The following C21orf91 variants were observed in gnomAD, a reference collection of about 807,000 sequenced individuals.
The protein encoded by C21orf91 is protein EURL homolog.
C21orf91 carries 26 observed loss-of-function variants against 32.9 expected under a neutral mutation model. The ratio of observed to expected loss-of-function variants is 0.79; its 90% confidence interval spans 0.58 to 1.10. The LOEUF is 1.10. C21orf91 is among the 50% of genes least tolerant of loss of function. C21orf91 has a pLI of 0.00. For missense variants in C21orf91, 310 were observed against 341.3 expected (o/e 0.91, Z 0.72); for synonymous variants, 126 against 120.4 (o/e 1.05, Z -0.31).
At chr21:17,811,761 G>C (rs1323222825) in intron 2 of C21orf91, among the ~76,000 whole-genome samples, 1 of 152,098 alleles carries the variant, frequency 6.6e-6, no homozygotes, top group African/African-American at 2.4e-5. Flanking sequence ...CTCTGAAACA[G>C]AAAGTCATTT....
chr21:17,815,154 C>CTA (rs1400106305), intron 2 of C21orf91, among the ~76,000 whole-genome samples: 15 of 152,046 alleles, frequency 9.9e-5, no homozygotes. Flanking sequence ...AAACAAGAGG[C>CTA]TAATTGATTA....
intron 2 of C21orf91, among the ~76,000 whole-genome samples, chr21:17,807,758 G>A (rs146208793): frequency 1.0e-3 from 153 of 152,250 alleles, no homozygotes; most frequent in African/African-American, 2.5e-3. Context: ...ATTATACCCC[G>A]GTCAAGGGAT....
At chr21:17,798,973 A>G (rs1008752333) in intron 2 of C21orf91, among the ~76,000 whole-genome samples, 2 of 152,192 alleles carry the variant, frequency 1.3e-5, no homozygotes, top group Non-Finnish European at 2.9e-5. Context: ...TACCCTCTGC[A>G]AACTCTTTTA....
chr21:17,807,069 A>T (rs1002555875), intron 2 of C21orf91, among the ~76,000 whole-genome samples: 3 of 152,192 alleles, frequency 2.0e-5, no homozygotes. Flanking sequence ...TCTAATATGT[A>T]GGAATTATAT....
chr21:17,815,955 G>A (rs534495819), intron 2 of C21orf91, among the ~76,000 whole-genome samples: 13 of 152,148 alleles, frequency 8.5e-5, no homozygotes, highest in African/African-American at 1.2e-4. Flanking sequence ...CTACTGTGCC[G>A]GCCTACAAAA....
At position 17,808,429 on chromosome 21, in the gene C21orf91, G is replaced by A. The variant is rs2062612191; in HGVS notation, c.127+9763C>T. On this transcript the variant is annotated intron_variant, in intron 2 of 4. Transcript: ENST00000284881. ...GCCCTCATGGAGACCATCTACTAAG[G>A]CAGTGCAGATGGGAAATGTGGGGTT... Among the ~76,000 whole-genome samples, 2 of 152,336 alleles carry A rather than the reference G, an allele frequency of 1.3e-5. 1 individual carries two copies.
chr21:17,796,611 G>C lies in C21orf91; in HGVS notation c.635C>G (p.Thr212Ser), dbSNP rs753126442. 6.2e-7 allele frequency: 1 copy of C among 1,613,792 alleles called. No homozygotes were observed. Among genetic ancestry groups the C allele is most frequent in the South Asian group, 1.1e-5 (1 of 91,068 alleles). ...TISSPEANVQTQHPHYSREEL... is the reference protein window; with the variant it reads ...TISSPEANVQSQHPHYSREEL... ...CTCTCTGCTGTAATGTGGATGCTGG[G>C]TCTGGACATTAGCCTCTGGACTAGA... Residue 212 changes from threonine (T) to serine (S), a missense_variant, in exon 3 of 5, where the codon ACC becomes AGC. Transcript: ENST00000284881.
chr21:17,802,835 T>C (rs955097469), intron 2 of C21orf91, among the ~76,000 whole-genome samples: 4 of 152,244 alleles, frequency 2.6e-5, no homozygotes, highest in African/African-American at 9.6e-5. Flanking sequence ...CCCTCACACT[T>C]TTTGTGGTCA....
intron 2 of C21orf91, among the ~76,000 whole-genome samples, chr21:17,817,233 T>C (rs1325951056): frequency 6.6e-6 from 1 of 152,220 alleles, no homozygotes; most frequent in Non-Finnish European, 1.5e-5. Flanking sequence ...TTGGTGACCA[T>C]AATAATTTCT....
intron 2 of C21orf91, among the ~76,000 whole-genome samples, chr21:17,816,717 G>T (rs1211738564): frequency 6.6e-6 from 1 of 152,174 alleles, no homozygotes; most frequent in African/African-American, 2.4e-5. Flanking sequence ...CACATAAGGG[G>T]TTTAGCACAG....
intron 1 of C21orf91, among the ~76,000 whole-genome samples, chr21:17,818,529 G>A: frequency 6.6e-6 from 1 of 152,194 alleles, no homozygotes; most frequent in East Asian, 1.9e-4. Context: ...CTTAAAGCCA[G>A]GCCATAGGTG....
intron 2 of C21orf91, among the ~76,000 whole-genome samples, chr21:17,815,571 T>C (rs575330329): frequency 4.6e-5 from 7 of 152,232 alleles, no homozygotes; most frequent in African/African-American, 1.7e-4. Flanking sequence ...ATGACTTTTT[T>C]CCCCCACTGA....
At chr21:17,813,314 T>A (rs1568756759) in intron 2 of C21orf91, among the ~76,000 whole-genome samples, 3 of 152,164 alleles carry the variant, frequency 2.0e-5, no homozygotes, top group Admixed American at 6.5e-5. Context: ...AAATCAAGAA[T>A]TTCATATTGA....
At chr21:17,813,560 C>G (rs181722114) in intron 2 of C21orf91, among the ~76,000 whole-genome samples, 1 of 152,344 alleles carries the variant, frequency 6.6e-6, no homozygotes, top group Admixed American at 6.5e-5. Flanking sequence ...CAGCCAGATA[C>G]ATACTTACTC....
At chr21:17,802,417 T>C (rs922233776) in intron 2 of C21orf91, among the ~76,000 whole-genome samples, 16 of 152,206 alleles carry the variant, frequency 1.1e-4, no homozygotes, top group African/African-American at 3.9e-4. Context: ...TGCCTCAGCC[T>C]AGCAAAGTGC....
intron 2 of C21orf91, among the ~76,000 whole-genome samples, chr21:17,809,610 T>C (rs1266866602): frequency 6.6e-6 from 1 of 152,182 alleles, no homozygotes; most frequent in Non-Finnish European, 1.5e-5. Context: ...GTGCTTTTAG[T>C]GTCTATTATA....
At chr21:17,813,205 CCTTA>C (rs2062644152) in intron 2 of C21orf91, among the ~76,000 whole-genome samples, 1 of 152,104 alleles carries the variant, frequency 6.6e-6, no homozygotes, top group South Asian at 2.1e-4. Context: ...TGGTGGGGCC[CCTTA>C]CTTAAGTGGA....
chr21:17,802,119 A>G (rs2062565844), intron 2 of C21orf91, among the ~76,000 whole-genome samples: 1 of 152,196 alleles, frequency 6.6e-6, no homozygotes, highest in Non-Finnish European at 1.5e-5. Context: ...CTAAAAGTGC[A>G]AAGACTACTC....
At chr21:17,804,140 A>G (rs2062580296) in intron 2 of C21orf91, among the ~76,000 whole-genome samples, 1 of 152,180 alleles carries the variant, frequency 6.6e-6, no homozygotes, top group East Asian at 1.9e-4. Context: ...CAATTCGACT[A>G]GACTACCATG....
Sources: allele counts gnomAD v4.1 joint callset (sites outside exome capture counted in the v4.1 genomes callset), GRCh38; gene constraint gnomAD v4.1.1; transcripts MANE v1.5; gene names NCBI Gene and HGNC (gene_info 2026-07-23, HGNC 2026-07-21).